The following TMEM245 variants were observed in gnomAD, a reference collection of about 807,000 sequenced individuals.
TMEM245 encodes the protein transmembrane protein 245, also known as protein CG-2.
In TMEM245, 69 loss-of-function variants were observed where a neutral mutation model predicts 101.2. The observed-to-expected ratio is 0.68, with a 90% confidence interval of 0.56 to 0.83. TMEM245 has a LOEUF of 0.83. Ranked by LOEUF, TMEM245 falls within the 40% of genes least tolerant of loss-of-function variation. The pLI is 0.00. For synonymous variants in TMEM245, 537 were observed against 449.8 expected, an observed-to-expected ratio of 1.19 and a Z score of -2.45; for missense variants, 1,075 against 1,092.8, an observed-to-expected ratio of 0.98 and a Z score of 0.23.
chr9:109,106,104 T>C (rs887827568), intron 3 of TMEM245, among the ~76,000 whole-genome samples: 3 of 152,080 alleles, frequency 2.0e-5, no homozygotes, highest in African/African-American at 4.8e-5. Flanking sequence ...ACTGCACCTG[T>C]AGCCCTCGCT....
intron 17 of TMEM245, 78 bp from the exon 18 acceptor site, chr9:109,020,583 A>G: frequency 7.9e-7 from 1 of 1,268,118 alleles, no homozygotes; most frequent in Non-Finnish European, 1.1e-6. Context: ...TGGAGCCCTA[A>G]TGAGATTATA....
At chr9:109,073,910 G>A (rs1423786335) in intron 8 of TMEM245, among the ~76,000 whole-genome samples, 1 of 143,640 alleles carries the variant, frequency 7.0e-6, no homozygotes, top group Non-Finnish European at 1.5e-5. Context: ...AGGCTTGCTG[G>A]TGTGTAGTGG....
chr9:109,061,484 C>G (rs774904449), intron 10 of TMEM245, among the ~76,000 whole-genome samples: 2 of 152,184 alleles, frequency 1.3e-5, no homozygotes, highest in Non-Finnish European at 2.9e-5. Context: ...GCCTTCATCA[C>G]TAACCTTCAT....
intron 12 of TMEM245, among the ~76,000 whole-genome samples, chr9:109,052,524 C>G (rs952304510): frequency 6.6e-6 from 1 of 152,200 alleles, no homozygotes; most frequent in Non-Finnish European, 1.5e-5. Context: ...TTCAGATGTA[C>G]CATTTATAAA....
At chr9:109,035,471 A>C (rs891499528) in intron 16 of TMEM245, among the ~76,000 whole-genome samples, 15 of 152,206 alleles carry the variant, frequency 9.9e-5, no homozygotes, top group African/African-American at 3.6e-4. Context: ...ATTCTGACTT[A>C]GATTTAACCT....
At chr9:109,089,613 G>A (rs1403012285) in intron 5 of TMEM245, among the ~76,000 whole-genome samples, 2 of 152,176 alleles carry the variant, frequency 1.3e-5, no homozygotes, top group South Asian at 2.1e-4. Context: ...GCCATAAGAA[G>A]AGAGCCCAAA....
At chr9:109,039,851 GAA>G (rs552725739) in intron 14 of TMEM245, among the ~76,000 whole-genome samples, 2 of 151,806 alleles carry the variant, frequency 1.3e-5, no homozygotes, top group Non-Finnish European at 2.9e-5. Flanking sequence ...CAGAGAAAAA[GAA>G]AGGAAAAAAG....
At chr9:109,094,081 T>C (rs1349364410) in intron 3 of TMEM245, among the ~76,000 whole-genome samples, 5 of 152,154 alleles carry the variant, frequency 3.3e-5, no homozygotes, top group Non-Finnish European at 2.9e-5. Context: ...GATTTATAAA[T>C]TACATAACTC....
At chr9:109,046,273 G>A (rs1446620491) in intron 14 of TMEM245, 1 of 534,438 alleles carries the variant, frequency 1.9e-6, no homozygotes, top group Non-Finnish European at 3.8e-6. Flanking sequence ...GTGACAACAT[G>A]CAACTTAGTA....
At chr9:109,062,419 C>G (rs930283884) in intron 10 of TMEM245, among the ~76,000 whole-genome samples, 2 of 152,274 alleles carry the variant, frequency 1.3e-5, no homozygotes, top group East Asian at 3.9e-4. Context: ...GCCTTATGAA[C>G]TAACTGGAAA....
chr9:109,053,435 A>G (rs1828744582), intron 12 of TMEM245, among the ~76,000 whole-genome samples: 1 of 151,934 alleles, frequency 6.6e-6, no homozygotes, highest in Non-Finnish European at 1.5e-5. Context: ...TCTGAGGGGG[A>G]AAAAAAAGGA....
chr9:109,111,187 T>G (rs551468934), intron 1 of TMEM245, among the ~76,000 whole-genome samples: 19 of 152,286 alleles, frequency 1.2e-4, no homozygotes, highest in African/African-American at 4.6e-4. Flanking sequence ...TTTTCTGTGG[T>G]TCTGAGAGCA....
chr9:109,069,487 A>T (rs1253444382), intron 9 of TMEM245, among the ~76,000 whole-genome samples: 1 of 152,128 alleles, frequency 6.6e-6, no homozygotes, highest in Non-Finnish European at 1.5e-5. Context: ...ATATCCAAAG[A>T]GCCAGAGGAC....
intron 14 of TMEM245, 116 bp from the exon 15 acceptor site, chr9:109,038,233 C>T (rs955973764): frequency 8.5e-6 from 5 of 591,456 alleles, no homozygotes; most frequent in African/African-American, 1.9e-5. Flanking sequence ...TTTCTGCTGG[C>T]CTGAGAATGC....
chr9:109,043,061 TA>T (rs1828366894), intron 14 of TMEM245, among the ~76,000 whole-genome samples: 1 of 152,138 alleles, frequency 6.6e-6, no homozygotes, highest in Non-Finnish European at 1.5e-5. Context: ...TCGGTTACTT[TA>T]AATAACCTAT....
chr9:109,102,422 T>G (rs1169178430), intron 3 of TMEM245, among the ~76,000 whole-genome samples: 1 of 152,170 alleles, frequency 6.6e-6, no homozygotes, highest in Non-Finnish European at 1.5e-5. Flanking sequence ...AAAAAGCAAA[T>G]TAATTTTTAA....
intron 9 of TMEM245, among the ~76,000 whole-genome samples, chr9:109,072,776 CAGG>C (rs1040178984): frequency 1.3e-5 from 2 of 152,198 alleles, no homozygotes; most frequent in Non-Finnish European, 2.9e-5. Flanking sequence ...GAGGCTAAAG[CAGG>C]AGAACTGCTT....
chr9:109,091,496 T>C (rs147255684), intron 4 of TMEM245, among the ~76,000 whole-genome samples: 29 of 152,322 alleles, frequency 1.9e-4, no homozygotes, highest in Middle Eastern at 3.4e-3. Context: ...TGCTAACATA[T>C]ACTAGAATTT....
rs554379533 is a variant in TMEM245 at position 109,018,697 on chromosome 9, C to G, written c.*1763G>C. 9 of 151,904 alleles carry G rather than the reference C, an allele frequency of 5.9e-5. No homozygotes were observed. Among genetic ancestry groups the G allele is most frequent in the African/African-American group, 1.9e-4 (8 of 41,450 alleles). 9.4% of individuals were successfully genotyped at this position (151,904 alleles called of 1,614,324 possible). On this transcript the variant is annotated 3_prime_UTR_variant, in exon 18 of 18. Transcript: ENST00000374586. ...TAATATTTCTACCTTTAAATACTTT[C>G]CAAAAAGGAAATCTTCAACGCTTAA...
Sources: allele counts gnomAD v4.1 joint callset (sites outside exome capture counted in the v4.1 genomes callset), GRCh38; gene constraint gnomAD v4.1.1; transcripts MANE v1.5; gene names NCBI Gene and HGNC (gene_info 2026-07-23, HGNC 2026-07-21).